Variants in PUDP observed in about 807,000 individuals in gnomAD.
PUDP encodes pseudouridine 5'-phosphatase, also known as pseudouridine-5'-phosphatase.
In PUDP, 8 loss-of-function variants were observed where a neutral mutation model predicts 9.4. That is an observed-to-expected ratio of 0.85 (90% CI 0.50 to 1.53). The LOEUF is 1.53. Ranked by LOEUF, PUDP falls within the 40% of genes most tolerant of loss-of-function variation. PUDP has a pLI of 0.00. For missense variants in PUDP, 188 were observed against 189.7 expected (o/e 0.99, Z 0.05); for synonymous variants, 99 against 80.7 (o/e 1.23, Z -1.22).
rs1336502655 is a variant in PUDP at position 6,741,559 on chromosome X, GAATA to G, written c.*248-35097_*248-35094del. 2.7e-5 allele frequency among the ~76,000 whole-genome samples: 3 copies of G among 111,162 alleles called. No individual in the cohort carries two copies. The East Asian group carries it at 8.5e-4, about 32-fold the overall frequency. ...GGATATATAGAGATAGATGGTGGAT[GAATA>G]GATAGGTAAAAACAGATATAGACAT... On this transcript the variant is annotated intron_variant and NMD_transcript_variant, in intron 3 of 3. Coordinates refer to the PUDP transcript ENST00000655425.
intron 3 of PUDP, among the ~76,000 whole-genome samples, chrX:6,855,696 G>A (rs1434710211): frequency 8.9e-6 from 1 of 112,075 alleles, no homozygotes; most frequent in Non-Finnish European, 1.9e-5. Context: ...GATAGTGGAG[G>A]AAGAATGGTG....
At chrX:7,127,354 C>T (rs1932511411) in intron 1 of PUDP, among the ~76,000 whole-genome samples, 1 of 111,780 alleles carries the variant, frequency 8.9e-6, no homozygotes, top group Non-Finnish European at 1.9e-5. Context: ...GTAATGTGGC[C>T]CTATGAGGTG....
chrX:6,766,504 G>A (rs1352969874), intron 3 of PUDP, among the ~76,000 whole-genome samples: 1 of 111,763 alleles, frequency 8.9e-6, no homozygotes, highest in East Asian at 2.8e-4. Context: ...GTGGTAAAAT[G>A]GTGACATCAG....
At chrX:6,839,144 T>C (rs1451594546) in intron 3 of PUDP, among the ~76,000 whole-genome samples, 2 of 112,033 alleles carry the variant, frequency 1.8e-5, no homozygotes, top group Admixed American at 9.4e-5. Flanking sequence ...CCTAAGTCAA[T>C]GCAGCTTTCA....
chrX:6,820,486 G>A (rs927058148), intron 3 of PUDP, among the ~76,000 whole-genome samples: 2 of 111,736 alleles, frequency 1.8e-5, no homozygotes, highest in Non-Finnish European at 3.8e-5. Flanking sequence ...TTCTGCCTAT[G>A]AGCCTGTAAA....
chrX:6,986,414 C>A (rs1929103827), intron 1 of PUDP, among the ~76,000 whole-genome samples: 1 of 111,671 alleles, frequency 9.0e-6, no homozygotes, highest in Non-Finnish European at 1.9e-5. Context: ...GCACCTACCA[C>A]CTCCAACCCC....
chrX:6,893,281 G>A (rs1402615744), intron 3 of PUDP, among the ~76,000 whole-genome samples: 1 of 111,952 alleles, frequency 8.9e-6, no homozygotes, highest in Non-Finnish European at 1.9e-5. Context: ...TGGAGGAAGA[G>A]AGAACCAGAT....
At chrX:6,765,799 G>T (rs1201219321) in intron 3 of PUDP, among the ~76,000 whole-genome samples, 1 of 111,645 alleles carries the variant, frequency 9.0e-6, no homozygotes, top group East Asian at 2.8e-4. Context: ...AGAAGAGAAA[G>T]AGGTTGGGGC....
At chrX:7,078,585 G>A (rs1930987476) in intron 2 of PUDP, among the ~76,000 whole-genome samples, 1 of 112,352 alleles carries the variant, frequency 8.9e-6, no homozygotes, top group Non-Finnish European at 1.9e-5. Flanking sequence ...GAGCTACCAC[G>A]CCTGGCCTAA....
intron 1 of PUDP, among the ~76,000 whole-genome samples, chrX:6,986,798 G>A (rs1929108881): frequency 8.9e-6 from 1 of 112,199 alleles, no homozygotes; most frequent in East Asian, 2.8e-4. Context: ...ACTGCTCAGA[G>A]GTGATAAAAA....
At chrX:6,757,058 A>T (rs1328739649) in intron 3 of PUDP, among the ~76,000 whole-genome samples, 1 of 112,381 alleles carries the variant, frequency 8.9e-6, no homozygotes, top group Non-Finnish European at 1.9e-5. Flanking sequence ...AGAGCAGAGC[A>T]GAGAGAAGAC....
intron 3 of PUDP, among the ~76,000 whole-genome samples, chrX:6,948,328 T>G (rs1224834028): frequency 8.9e-6 from 1 of 111,795 alleles, no homozygotes; most frequent in East Asian, 2.8e-4. Context: ...TTTGAGACTC[T>G]CAGAGCATGC....
At position 7,105,780 on chromosome X, in the gene PUDP, T is replaced by C. The variant is rs371133919; in HGVS notation, c.120A>G (p.Lys40=). 8 of 1,207,255 alleles carry C rather than the reference T, an allele frequency of 6.6e-6. No homozygotes were observed. The African/African-American group carries it at 1.4e-4, about 21-fold the overall frequency. ...CCAGGGACTTTACATCCCAGCTGTA[T>C]TTCTTGTCATAGCGATTACATATTT... ...FQEICNRYDK[K]YSWDVKSLVM... is the part of the protein sequence containing the mutation. Residue 40 remains lysine (K), a synonymous_variant, in exon 2 of 4, where the codon AAA becomes AAG. Transcript: ENST00000381077.
intron 1 of PUDP, among the ~76,000 whole-genome samples, chrX:7,021,546 A>C (rs192203835): frequency 5.8e-4 from 65 of 112,382 alleles, no homozygotes; most frequent in African/African-American, 1.9e-3. Flanking sequence ...TGTCAATGGC[A>C]AAAGTTTGTT....
intron 1 of PUDP, among the ~76,000 whole-genome samples, chrX:6,998,261 A>C (rs190611419): frequency 1.7e-4 from 19 of 111,504 alleles, no homozygotes; most frequent in South Asian, 1.5e-3. Flanking sequence ...ACGAGATAAT[A>C]ATGCCTTGTA....
chrX:6,952,815 GA>G (rs1928575669), intron 3 of PUDP, among the ~76,000 whole-genome samples: 1 of 111,835 alleles, frequency 8.9e-6, no homozygotes, highest in African/African-American at 3.2e-5. Flanking sequence ...GCCTTCACCA[GA>G]CACAGACTCT....
intron 3 of PUDP, among the ~76,000 whole-genome samples, chrX:7,069,129 G>T (rs1930653384): frequency 8.9e-6 from 1 of 111,862 alleles, no homozygotes; most frequent in Admixed American, 9.5e-5. Flanking sequence ...AGAAACAGTG[G>T]GAGCAGTGGA....
At chrX:7,031,838 C>T (rs4011480) in intron 1 of PUDP, among the ~76,000 whole-genome samples, 40,831 of 110,683 alleles carry the variant, frequency 0.37, 5,555 homozygotes, top group Non-Finnish European at 0.41. Flanking sequence ...TCTAAAATTG[C>T]GAAGCTTTTA....
intron 3 of PUDP, among the ~76,000 whole-genome samples, chrX:6,817,679 C>T (rs1466497124): frequency 9.0e-6 from 1 of 111,262 alleles, no homozygotes; most frequent in Non-Finnish European, 1.9e-5. Context: ...TTTTGAAGGC[C>T]GCCTACCACA....
Sources: gnomAD v4.1 joint callset for allele counts (sites outside exome capture counted in the v4.1 genomes callset) on GRCh38, gnomAD v4.1.1 for gene constraint, MANE v1.5 for transcripts, NCBI Gene and HGNC (gene_info 2026-07-23, HGNC 2026-07-21) for gene names.